The following MARCO variants were observed in gnomAD, a reference collection of about 807,000 sequenced individuals.
MARCO encodes macrophage receptor with collagenous structure, also known as macrophage receptor MARCO.
In MARCO, 72 loss-of-function variants were observed where a neutral mutation model predicts 70.0. The ratio of observed to expected loss-of-function variants is 1.03; its 90% CI spans 0.85 to 1.25. MARCO has a LOEUF of 1.25. MARCO is among the 50% of genes most tolerant of loss of function. The pLI is 0.00. For missense variants in MARCO, 696 were observed against 659.3 expected, an observed-to-expected ratio of 1.06 and a Z score of -0.61; for synonymous variants, 273 against 243.1, an observed-to-expected ratio of 1.12 and a Z score of -1.14.
intron 1 of MARCO, among the ~76,000 whole-genome samples, chr2:118,955,597 AAAG>A (rs1679819968): frequency 6.6e-6 from 1 of 152,236 alleles, no homozygotes; most frequent in Non-Finnish European, 1.5e-5. Context: ...CAAGAAGCAC[AAAG>A]AAGACCTGGG....
At chr2:118,969,323 C>A in intron 2 of MARCO, 62 bp downstream of exon 2, 1 of 1,344,882 alleles carries the variant, frequency 7.4e-7, no homozygotes, top group Non-Finnish European at 1.1e-6. Flanking sequence ...CAGCTGGGCC[C>A]CTCAGATGAA....
At chr2:118,986,597 G>GAA (rs1284914964) in intron 12 of MARCO, among the ~76,000 whole-genome samples, 2 of 9,018 alleles carry the variant, frequency 2.2e-4, no homozygotes, top group African/African-American at 1.1e-3. Context: ...AAGAAAGAAA[G>GAA]AAAGAAAGAA....
chr2:118,966,175 C>T (rs561110752), intron 1 of MARCO, among the ~76,000 whole-genome samples: 1 of 152,286 alleles, frequency 6.6e-6, no homozygotes, highest in Admixed American at 6.5e-5. Context: ...GGATCTTTTA[C>T]AGACTTGAAA....
At chr2:118,985,073 T>C (rs1385068773) in intron 12 of MARCO, among the ~76,000 whole-genome samples, 2 of 152,162 alleles carry the variant, frequency 1.3e-5, no homozygotes, top group Non-Finnish European at 2.9e-5. Context: ...GGCCAGGCAC[T>C]GTGCCTGGGT....
intron 8 of MARCO, among the ~76,000 whole-genome samples, chr2:118,980,937 C>A (rs1680376599): frequency 6.6e-6 from 1 of 152,126 alleles, no homozygotes; most frequent in African/African-American, 2.4e-5. Context: ...ATCTTGGGTA[C>A]CAGGAAAGCC....
At chr2:118,977,611 C>A in intron 7 of MARCO, 96 bp downstream of exon 7, 1 of 1,114,504 alleles carries the variant, frequency 9.0e-7, no homozygotes, top group South Asian at 1.3e-5. Flanking sequence ...ACAGCCCCAC[C>A]CCAGCCCCTG....
rs1343036808 is a variant in MARCO at position 118,970,317 on chromosome 2, GAC to G, written c.405_406del (p.Asp135GlufsTer14). ...VSHEHLLQRV[D>X]NFTQNPGMFR... is the part of the protein sequence containing the mutation. ...CCATGAGCACTTGCTGCAGCGGGTAGACAACTTCACTCAGAACCCAGGTTTGG... is the reference window on the plus strand; with the variant it reads ...CCATGAGCACTTGCTGCAGCGGGTAGAACTTCACTCAGAACCCAGGTTTGG... On this transcript the variant is annotated frameshift_variant, in exon 3 of 17. Transcript: ENST00000327097. LOFTEE classifies it high-confidence loss of function. The G allele has an allele frequency of 1.2e-6, 2 of 1,613,312 alleles. No homozygotes were observed. Among genetic ancestry groups the G allele is most frequent in the Non-Finnish European group, 1.7e-6 (2 of 1,179,696 alleles).
At chr2:118,992,127 G>A (rs756801456) in intron 14 of MARCO, among the ~76,000 whole-genome samples, 13 of 152,118 alleles carry the variant, frequency 8.5e-5, no homozygotes, top group Non-Finnish European at 1.6e-4. Flanking sequence ...CATGCCCCAC[G>A]ACCCAACACT....
intron 6 of MARCO, among the ~76,000 whole-genome samples, chr2:118,975,273 C>T (rs969263701): frequency 6.6e-6 from 1 of 152,148 alleles, no homozygotes. Flanking sequence ...CTCCAACTTG[C>T]AAATTCCGCA....
chr2:118,963,888 C>G (rs1679994998), intron 1 of MARCO, among the ~76,000 whole-genome samples: 1 of 152,094 alleles, frequency 6.6e-6, no homozygotes, highest in Non-Finnish European at 1.5e-5. Context: ...AATTGGCCAT[C>G]TTATTGTGTG....
chr2:118,965,875 C>T (rs776813426), intron 1 of MARCO, among the ~76,000 whole-genome samples: 1 of 152,214 alleles, frequency 6.6e-6, no homozygotes, highest in Admixed American at 6.5e-5. Context: ...AGGCACGTTC[C>T]AGTACTGCCT....
chr2:118,985,393 G>C (rs940212861), intron 12 of MARCO, among the ~76,000 whole-genome samples: 1 of 152,008 alleles, frequency 6.6e-6, no homozygotes, highest in Non-Finnish European at 1.5e-5. Flanking sequence ...CACAGCCACT[G>C]ACCACACTCT....
At chr2:118,986,672 GGAAAGAAAGAAAGAAA>G (rs70949954) in intron 12 of MARCO, among the ~76,000 whole-genome samples, 566 of 48,478 alleles carry the variant, frequency 0.012, 13 homozygotes, top group Non-Finnish European at 0.012. Context: ...AAGGAAGGAA[GGAAAGAAAGAAAGAAA>G]GAAAGAAAGA....
intron 1 of MARCO, among the ~76,000 whole-genome samples, chr2:118,962,038 G>T (rs375593887): frequency 1.3e-5 from 2 of 152,154 alleles, no homozygotes; most frequent in Non-Finnish European, 2.9e-5. Context: ...TAGACGTGCG[G>T]TCTTATTGCT....
At chr2:118,993,692 A>G (rs1329797429) in intron 16 of MARCO, among the ~76,000 whole-genome samples, 1 of 152,226 alleles carries the variant, frequency 6.6e-6, no homozygotes, top group Admixed American at 6.5e-5. Flanking sequence ...GCTGTCTGTG[A>G]ACCAGCAGCC....
intron 2 of MARCO, 115 bp from the exon 3 acceptor site, chr2:118,969,999 G>C: frequency 1.1e-6 from 1 of 903,532 alleles, no homozygotes; most frequent in Non-Finnish European, 1.8e-6. Context: ...ACAGCACATG[G>C]AATTTGTGTT....
At chr2:118,969,994 A>G in intron 2 of MARCO, 120 bp from the exon 3 acceptor site, 1 of 846,848 alleles carries the variant, frequency 1.2e-6, no homozygotes, top group Admixed American at 1.9e-5. Flanking sequence ...TCCTGACAGC[A>G]CATGGAATTT....
rs1263584435 is a variant in MARCO, at chr2:118,951,070, C to A, written c.97+8673C>A. ...AATCTGTAAGTATTTTAAGGCTTGG[C>A]TGAGTGCAAACAGCTCCCACCTTTG... On this transcript the variant is annotated intron_variant, in intron 1 of 16. Coordinates refer to ENST00000327097, the MANE Select transcript of MARCO (RefSeq NM_006770.4). 2.0e-5 allele frequency among the ~76,000 whole-genome samples: 3 copies of A among 152,186 alleles called. No homozygotes were observed. The East Asian group carries it at 5.8e-4, about 29-fold the overall frequency.
At chr2:118,952,094 C>T (rs1040362140) in intron 1 of MARCO, among the ~76,000 whole-genome samples, 1 of 149,000 alleles carries the variant, frequency 6.7e-6, no homozygotes, top group Non-Finnish European at 1.5e-5. Context: ...TTTCTTACCC[C>T]TTTCTTACCT....
Sources: gnomAD v4.1 joint callset for allele counts (sites outside exome capture counted in the v4.1 genomes callset) on GRCh38, gnomAD v4.1.1 for gene constraint, MANE v1.5 for transcripts, NCBI Gene and HGNC (gene_info 2026-07-23, HGNC 2026-07-21) for gene names.